The following TAS1R1 variants were observed in gnomAD, a reference collection of about 807,000 sequenced individuals.
The protein encoded by TAS1R1 is taste receptor type 1 member 1.
TAS1R1 carries 31 observed loss-of-function variants against 45.8 expected under a neutral mutation model. The observed-to-expected ratio is 0.68, with a 90% CI of 0.51 to 0.91. The LOEUF (loss-of-function observed/expected upper bound fraction) is 0.91, where lower values mean the gene tolerates loss of function less well. Among genes scored for constraint, TAS1R1 ranks in the 40% least tolerant of loss-of-function variants. TAS1R1 has a pLI of 0.00. For missense variants in TAS1R1, 1,051 were observed against 1,063.9 expected (o/e 0.99, Z 0.17); for synonymous variants, 437 against 448.4 (o/e 0.97, Z 0.32).
intron 2 of TAS1R1, among the ~76,000 whole-genome samples, chr1:6,571,900 G>A (rs2148673140): frequency 6.6e-6 from 1 of 152,214 alleles, no homozygotes; most frequent in Admixed American, 6.5e-5. Context: ...TCTCCTGCCT[G>A]CCTTTCCTTC....
chr1:6,576,167 C>G (rs1640167580), intron 3 of TAS1R1, among the ~76,000 whole-genome samples: 1 of 152,216 alleles, frequency 6.6e-6, no homozygotes, highest in Non-Finnish European at 1.5e-5. Flanking sequence ...CTCTCACCCA[C>G]TGTGTCTTGG....
intron 1 of TAS1R1, among the ~76,000 whole-genome samples, chr1:6,568,183 T>C (rs558570180): frequency 3.2e-4 from 48 of 151,658 alleles, no homozygotes; most frequent in Middle Eastern, 3.4e-3. Context: ...GGCGCGGTGG[T>C]TCACGCCTGT....
chr1:6,573,924 A>G (rs570704979), intron 2 of TAS1R1, among the ~76,000 whole-genome samples: 141 of 152,212 alleles, frequency 9.3e-4, no homozygotes, highest in African/African-American at 3.0e-3. Context: ...CGGCCTCCCA[A>G]TGTGCTGGGA....
intron 1 of TAS1R1, among the ~76,000 whole-genome samples, chr1:6,569,211 GCGA>G (rs1639947105): frequency 6.6e-6 from 1 of 152,096 alleles, no homozygotes; most frequent in Non-Finnish European, 1.5e-5. Flanking sequence ...GGGAAAATTG[GCGA>G]GGTTAAAAGA....
intron 1 of TAS1R1, among the ~76,000 whole-genome samples, chr1:6,561,128 G>C (rs947687378): frequency 1.3e-5 from 2 of 152,134 alleles, no homozygotes; most frequent in Admixed American, 6.5e-5. Context: ...TGGGTAAGGA[G>C]ATGTAGGAGG....
At chr1:6,568,305 A>T (rs185799164) in intron 1 of TAS1R1, among the ~76,000 whole-genome samples, 1,553 of 152,126 alleles carry the variant, frequency 0.01, 32 homozygotes, top group African/African-American at 0.036. Context: ...TACAAAAAAA[A>T]TTAGCCGGGC....
rs1640196042 is a variant in TAS1R1 at position 6,576,947 on chromosome 1, C to T, written c.1474-3C>T. ...TACGTGTGGCCCCTCTGGCTTCTTACAGGTGCCTAAGTCTGTGTGTTCCAG... is the reference window on the plus strand; with the variant it reads ...TACGTGTGGCCCCTCTGGCTTCTTATAGGTGCCTAAGTCTGTGTGTTCCAG... On this transcript the variant is annotated splice_region_variant and splice_polypyrimidine_tract_variant and intron_variant, in intron 4 of 5. Coordinates refer to ENST00000333172, the MANE Select transcript of TAS1R1 (RefSeq NM_138697.4). 2 of 1,614,254 alleles carry T rather than the reference C, an allele frequency of 1.2e-6. No homozygotes were observed. The highest frequency in any genetic ancestry group is 1.7e-6 in the Non-Finnish European group (2 of 1,180,036).
chr1:6,556,589 C>G (rs574931038), intron 1 of TAS1R1, among the ~76,000 whole-genome samples: 206 of 151,678 alleles, frequency 1.4e-3, no homozygotes, highest in African/African-American at 4.7e-3. Context: ...TTCGTAGAGA[C>G]AGGGGTTTCA....
At chr1:6,556,422 A>G (rs1034500226) in intron 1 of TAS1R1, among the ~76,000 whole-genome samples, 4 of 144,578 alleles carry the variant, frequency 2.8e-5, no homozygotes, top group African/African-American at 1.1e-4. Context: ...TTTTTTTGAG[A>G]TGGAGACTCA....
At chr1:6,562,166 A>C (rs1639800716) in intron 1 of TAS1R1, among the ~76,000 whole-genome samples, 1 of 152,098 alleles carries the variant, frequency 6.6e-6, no homozygotes, top group African/African-American at 2.4e-5. Flanking sequence ...AAAGGCCAGG[A>C]GGGTTTTTTT....
chr1:6,558,363 C>T lies in TAS1R1; in HGVS notation c.191+2799C>T, dbSNP rs150743445. On this transcript the variant is annotated intron_variant, in intron 1 of 5. Transcript: ENST00000333172. ...AATTTTGCGTGTCAGATTGTCTAGGCTATAGTGCCTAGAGTTGTGTAGTCA... is the reference window on the plus strand; with the variant it reads ...AATTTTGCGTGTCAGATTGTCTAGGTTATAGTGCCTAGAGTTGTGTAGTCA... 7.1e-3 allele frequency among the ~76,000 whole-genome samples: 1,085 copies of T among 152,156 alleles called. 9 individuals carry two copies. The highest frequency in any genetic ancestry group is 0.024 in the African/African-American group (988 of 41,502).
Position 6,574,984 on chromosome 1 carries a change from CG to C in TAS1R1, c.853del (p.Glu285SerfsTer5). The C allele has an allele frequency of 6.2e-7, 1 of 1,601,650 alleles. No individual in the cohort carries two copies. Among genetic ancestry groups the C allele is most frequent in the Non-Finnish European group, 8.5e-7 (1 of 1,172,606 alleles). ...SSRQLARVFF[E>X]SVVLTNLTGK... ...GCCGGCAGTTGGCCAGGGTGTTTTT[CG>C]AGTCCGTGGTGCTGACCAACCTGAC... is the stretch of plus-strand genomic sequence containing the variant. On this transcript the variant is annotated frameshift_variant, in exon 3 of 6. Transcript: ENST00000333172. LOFTEE classifies it high-confidence loss of function. The surrounding 1 kb of genome is among the most constrained non-coding windows in gnomAD (Gnocchi z 4.3).
At chr1:6,562,326 G>C (rs960181644) in intron 1 of TAS1R1, among the ~76,000 whole-genome samples, 1 of 152,042 alleles carries the variant, frequency 6.6e-6, no homozygotes, top group Non-Finnish European at 1.5e-5. Flanking sequence ...CCGCCACCAC[G>C]CCAGGCTAAT....
chr1:6,558,048 G>GT (rs1553185614), intron 1 of TAS1R1, among the ~76,000 whole-genome samples: 5 of 46,180 alleles, frequency 1.1e-4, no homozygotes, highest in East Asian at 5.5e-4. Context: ...TTTTGTTTTT[G>GT]TTTTTGTTTT....
intron 1 of TAS1R1, among the ~76,000 whole-genome samples, chr1:6,568,486 T>G (rs1639924351): frequency 6.8e-6 from 1 of 147,428 alleles, no homozygotes; most frequent in Non-Finnish European, 1.5e-5. Flanking sequence ...AGAACAATAG[T>G]TCCTTCTTGG....
chr1:6,563,867 G>A (rs1639830194), intron 1 of TAS1R1, among the ~76,000 whole-genome samples: 1 of 152,188 alleles, frequency 6.6e-6, no homozygotes, highest in African/African-American at 2.4e-5. Context: ...AGAGTCGAGA[G>A]TGGGAATTTG....
At chr1:6,559,243 T>C (rs1639739403) in intron 1 of TAS1R1, among the ~76,000 whole-genome samples, 2 of 151,278 alleles carry the variant, frequency 1.3e-5, no homozygotes, top group Admixed American at 1.3e-4. Context: ...TTGGCCAGGC[T>C]GCTCTCGAAC....
At chr1:6,567,563 GA>G (rs34650839) in intron 1 of TAS1R1, among the ~76,000 whole-genome samples, 13 of 140,454 alleles carry the variant, frequency 9.3e-5, no homozygotes, top group African/African-American at 1.1e-4. Context: ...CCGTCTCAAA[GA>G]AAAAAAAAAA....
chr1:6,579,122 G>A lies in TAS1R1; in HGVS notation c.2064G>A (p.Ala688=), dbSNP rs372215561. ...GAGLFVMISS[A]AQLLICLTWL... is the part of the protein sequence containing the mutation. ...GCCTGTTTGTGATGATCAGCTCAGC[G>A]GCCCAGCTGCTTATCTGTCTAACTT... The change falls in exon 6 of 6, where the codon GCG becomes GCA. Residue 688 remains alanine, a synonymous_variant. Transcript: ENST00000333172. 18 of 1,614,046 alleles carry A rather than the reference G, an allele frequency of 1.1e-5. No individual in the cohort carries two copies. Among genetic ancestry groups the A allele is most frequent in the African/African-American group, 1.1e-4 (8 of 74,916 alleles).
Sources: gnomAD v4.1 joint callset for allele counts (sites outside exome capture counted in the v4.1 genomes callset) on GRCh38, gnomAD v4.1.1 for gene constraint, Gnocchi (gnomAD v3.1) non-coding constraint, MANE v1.5 for transcripts, NCBI Gene and HGNC (gene_info 2026-07-23, HGNC 2026-07-21) for gene names.